The following NTMT1 variants were observed in gnomAD, a reference collection of about 807,000 sequenced individuals.
NTMT1 encodes the protein N-terminal RCC1 methyltransferase.
Under a neutral mutation model 17.5 loss-of-function variants are expected in NTMT1, and 8 were observed. That is an observed-to-expected ratio of 0.46 (90% CI 0.27 to 0.82). The LOEUF (loss-of-function observed/expected upper bound fraction) is 0.82. Ranked by LOEUF, NTMT1 falls within the 40% of genes least tolerant of loss-of-function variation. The pLI, the probability that NTMT1 is intolerant of heterozygous loss-of-function variation, is 0.15. For missense variants in NTMT1, 221 were observed against 303.5 expected, an observed-to-expected ratio of 0.73 and a Z score of 2.02; for synonymous variants, 128 against 126.8, an observed-to-expected ratio of 1.01 and a Z score of -0.06.
chr9:129,626,289 G>A lies in NTMT1; in HGVS notation c.-61G>A, dbSNP rs1830890346. 6.6e-6 allele frequency: 1 copy of A among 152,210 alleles called. No homozygotes were observed. The highest frequency in any genetic ancestry group is 2.4e-5 in the African/African-American group (1 of 41,448). 9.4% of individuals were successfully genotyped at this position (152,210 alleles called of 1,614,324 possible). A position where few individuals can be genotyped will look rare whatever the true frequency, so the allele number is the denominator to read the frequency against. ...TCTTCTCTCGGTCCCGGGAGCCCCCGCCCGGAGTGAGTAGCGCGAGGCGGT... is the reference window on the plus strand; with the variant it reads ...TCTTCTCTCGGTCCCGGGAGCCCCCACCCGGAGTGAGTAGCGCGAGGCGGT... On this transcript the variant is annotated 5_prime_UTR_variant, in exon 1 of 4. Transcript: ENST00000372483.
chr9:129,624,870 C>T (rs1053065390), upstream of NTMT1, among the ~76,000 whole-genome samples: 18 of 152,294 alleles, frequency 1.2e-4, no homozygotes, highest in South Asian at 8.3e-4. Flanking sequence ...TCAGGTGATC[C>T]GCCTGCCTTG....
chr9:129,611,051 C>T (rs1310538), intron 1 of NTMT1, among the ~76,000 whole-genome samples: 16 of 151,950 alleles, frequency 1.1e-4, no homozygotes, highest in Non-Finnish European at 2.1e-4. Flanking sequence ...TCTAAACTAA[C>T]CCTAGCTCTA....
chr9:129,634,014 A>T (rs757075421), intron 2 of NTMT1, 40 bp from the exon 3 acceptor site: 4 of 1,591,234 alleles, frequency 2.5e-6, no homozygotes, highest in Non-Finnish European at 3.4e-6. Flanking sequence ...ACGTGCGGTG[A>T]CAGGGTCCCT....
intron 1 of NTMT1, among the ~76,000 whole-genome samples, chr9:129,611,586 C>G (rs1242322835): frequency 2.0e-5 from 3 of 152,150 alleles, no homozygotes; most frequent in Non-Finnish European, 2.9e-5. Context: ...GACGCCCTCA[C>G]TCCATTGTGG....
rs1020472216 is a variant in NTMT1, at chr9:129,620,509, T to A, written c.-55+11331T>A. On this transcript the variant is annotated intron_variant, in intron 1 of 3. Transcript: ENST00000372486. This position sits in a 1 kb window ranked among gnomAD's most constrained non-coding sequence, Gnocchi z 5.8. ...GCGGGTCGCTGCTGCGTCGGAAGTC[T>A]CCGTCGCCAGGGAGCCCCTTGGGCG... The A allele has an allele frequency of 7.0e-7, 1 of 1,436,132 alleles. No individual in the cohort carries two copies. The highest frequency in any genetic ancestry group is 9.2e-7 in the Non-Finnish European group (1 of 1,092,696). 89.0% of individuals were successfully genotyped at this position (1,436,132 alleles called of 1,614,324 possible).
chr9:129,621,258 G>A (rs1830694408), upstream of NTMT1, among the ~76,000 whole-genome samples: 1 of 152,188 alleles, frequency 6.6e-6, no homozygotes. Flanking sequence ...CCTGGGTGGG[G>A]AGCCTGTTGA....
At chr9:129,617,889 A>G (rs1180993623) in intron 1 of NTMT1, among the ~76,000 whole-genome samples, 4 of 152,026 alleles carry the variant, frequency 2.6e-5, no homozygotes, top group Admixed American at 2.6e-4. Flanking sequence ...TCACCATGTT[A>G]CCAAGGCTGG....
In NTMT1 at chr9:129,632,669, C is replaced by A; in HGVS notation, c.-35C>A. On this transcript the variant is annotated 5_prime_UTR_variant, in exon 2 of 4. Coordinates refer to ENST00000372483, the MANE Select transcript of NTMT1 (RefSeq NM_014064.4). ...ACCCAGGAGAGTCGCGGTTGCTGAT[C>A]GTGGTGCTTGAGTAGAGCCGTGGTT... is the stretch of plus-strand genomic sequence containing the variant. 1 of 1,609,360 alleles carries A rather than the reference C, an allele frequency of 6.2e-7. No homozygotes were observed. Among genetic ancestry groups the A allele is most frequent in the Non-Finnish European group, 8.5e-7 (1 of 1,176,230 alleles).
In NTMT1 at chr9:129,634,317, C is replaced by T. The variant is rs1384720804; in HGVS notation, c.415+11C>T. 1 of 1,583,506 alleles carries T rather than the reference C, an allele frequency of 6.3e-7. No homozygotes were observed. ...TCCAGTGGGTGATAGGTGAGGGTTC[C>T]ACCGCCCTTCCCTGCTCACCTGTAT... On this transcript the variant is annotated intron_variant, in intron 3 of 3. Transcript: ENST00000372483.
At chr9:129,615,342 T>G (rs1344512085) in intron 1 of NTMT1, 6 of 926,632 alleles carry the variant, frequency 6.5e-6, no homozygotes, top group Non-Finnish European at 9.2e-6. Context: ...GGAGGCCAGT[T>G]CAGGCACATC....
In NTMT1 at chr9:129,632,658, C is replaced by T. The variant is rs1284729417; in HGVS notation, c.-46C>T. On this transcript the variant is annotated 5_prime_UTR_variant, in exon 2 of 4. Coordinates refer to ENST00000372483, the MANE Select transcript of NTMT1 (RefSeq NM_014064.4). ...CCCCCTTCCTTACCCAGGAGAGTCG[C>T]GGTTGCTGATCGTGGTGCTTGAGTA... 2.2e-5 allele frequency: 36 copies of T among 1,606,736 alleles called. No individual in the cohort carries two copies. Among genetic ancestry groups the T allele is most frequent in the East Asian group, 4.5e-5 (2 of 44,746 alleles).
intron 1 of NTMT1, among the ~76,000 whole-genome samples, chr9:129,618,781 C>T (rs1830514000): frequency 6.6e-6 from 1 of 152,084 alleles, no homozygotes; most frequent in Non-Finnish European, 1.5e-5. Flanking sequence ...CAAGCTCCGC[C>T]TCCCGGGTTC....
Position 129,620,537 on chromosome 9 carries a change from A to G in NTMT1, c.-55+11359A>G, listed in dbSNP as rs1327102371. 3 of 1,442,938 alleles carry G rather than the reference A, an allele frequency of 2.1e-6. No homozygotes were observed. The African/African-American group carries it at 4.4e-5, about 21-fold the overall frequency. 89.4% of individuals were successfully genotyped at this position (1,442,938 alleles called of 1,614,324 possible). ...GTCGCCAGGGAGCCCCTTGGGCGCC[A>G]GGTCCTGGGCCCCTGGGCGAAGTCG... On this transcript the variant is annotated intron_variant, in intron 1 of 3. Transcript: ENST00000372486. The surrounding 1 kb of genome is among the most constrained non-coding windows in gnomAD (Gnocchi z 5.8).
At chr9:129,610,033 G>A (rs1830074442) in intron 1 of NTMT1, among the ~76,000 whole-genome samples, 1 of 150,556 alleles carries the variant, frequency 6.6e-6, no homozygotes, top group Non-Finnish European at 1.5e-5. Flanking sequence ...TGTGTGTCTC[G>A]GGGTGCGTAT....
intron 1 of NTMT1, chr9:129,615,425 C>G: frequency 1.3e-5 from 19 of 1,490,216 alleles, no homozygotes; most frequent in Non-Finnish European, 1.7e-5. Flanking sequence ...GCTACAGCCT[C>G]TCTGCCCTCC....
At chr9:129,615,495 C>T (rs374809292) in intron 1 of NTMT1, 18 of 1,597,418 alleles carry the variant, frequency 1.1e-5, no homozygotes, top group African/African-American at 8.1e-5. Flanking sequence ...TGAGCGTCTG[C>T]GCTCCCAGTA....
At position 129,613,563 on chromosome 9, in the gene NTMT1, G is replaced by A; in HGVS notation, c.-55+4385G>A. On this transcript the variant is annotated intron_variant, in intron 1 of 3. Transcript: ENST00000372486. This position sits in a 1 kb window ranked among gnomAD's most constrained non-coding sequence, Gnocchi z 6.2. ...ACACCCGCTCGGACGCCACTGGCAG[G>A]GCGGCCTTCTGGTTCACAATGACGC... The A allele has an allele frequency of 6.2e-7, 1 of 1,614,142 alleles. No individual in the cohort carries two copies. The highest frequency in any genetic ancestry group is 1.1e-5 in the South Asian group (1 of 91,080).
At chr9:129,615,662 AG>A in intron 1 of NTMT1, 1 of 1,525,372 alleles carries the variant, frequency 6.6e-7, no homozygotes, top group Admixed American at 2.1e-5. Flanking sequence ...GAGAGGGGAG[AG>A]GGGCCTGTGC....
rs183526900 is a variant in NTMT1, at chr9:129,615,226, G to A, written c.-55+6048G>A. 1.2e-3 allele frequency among the ~76,000 whole-genome samples: 190 copies of A among 152,340 alleles called. 1 individual carries two copies. Among genetic ancestry groups the A allele is most frequent in the Non-Finnish European group, 8.4e-4 (57 of 68,036 alleles). Reference sequence around the variant, plus strand: ...CAAGGTGGGCAGATACAGCATATGGGAACCCCTTGGCAGCGAGCAGTCCAA... The same window carrying A: ...CAAGGTGGGCAGATACAGCATATGGAAACCCCTTGGCAGCGAGCAGTCCAA... On this transcript the variant is annotated intron_variant, in intron 1 of 3. Coordinates refer to the NTMT1 transcript ENST00000372486.
Sources: allele counts gnomAD v4.1 joint callset (sites outside exome capture counted in the v4.1 genomes callset), GRCh38; gene constraint gnomAD v4.1.1; non-coding constraint Gnocchi (gnomAD v3.1); transcripts MANE v1.5; gene names NCBI Gene and HGNC (gene_info 2026-07-23, HGNC 2026-07-21).